SMAP1: variants seen among roughly 807,000 people sequenced by gnomAD.
The protein encoded by SMAP1 is small ArfGAP 1.
In SMAP1, 24 loss-of-function variants were observed where a neutral mutation model predicts 58.5. That is an observed-to-expected ratio of 0.41 (90% CI 0.30 to 0.58). SMAP1 has a LOEUF of 0.58. SMAP1 is among the 20% of genes least tolerant of loss of function. SMAP1 has a pLI of 0.29. For synonymous variants in SMAP1, 216 were observed against 196.6 expected, an observed-to-expected ratio of 1.10 and a Z score of -0.82; for missense variants, 563 against 566.3, an observed-to-expected ratio of 0.99 and a Z score of 0.06.
rs145233897 is a variant in SMAP1 at position 70,821,445 on chromosome 6, A to T, written c.577-15496A>T. 1.9e-3 allele frequency among the ~76,000 whole-genome samples: 296 copies of T among 152,268 alleles called. 3 individuals are homozygous for T. The East Asian group carries it at 0.037, about 19-fold the overall frequency. ...CTTATAAATATATGGCATTGTCATG[A>T]AGAAAAATATCCTAGTGAGTATAGA... On this transcript the variant is annotated intron_variant, in intron 6 of 10. Coordinates refer to ENST00000370455, the MANE Select transcript of SMAP1 (RefSeq NM_001044305.3).
rs1769286773 is a variant in SMAP1 at position 70,809,305 on chromosome 6, A to G, written c.576+10568A>G. ...GATGAATAATGATTTAAAAAAAATTAGTTGGGAAAGAAATGAAAACAACCA... is the reference window on the plus strand; with the variant it reads ...GATGAATAATGATTTAAAAAAAATTGGTTGGGAAAGAAATGAAAACAACCA... On this transcript the variant is annotated intron_variant, in intron 6 of 10. Coordinates refer to ENST00000370455, the MANE Select transcript of SMAP1 (RefSeq NM_001044305.3). 3.3e-5 allele frequency among the ~76,000 whole-genome samples: 5 copies of G among 152,328 alleles called. No individual in the cohort carries two copies. The South Asian group carries it at 1.0e-3, about 32-fold the overall frequency.
In SMAP1 at chr6:70,802,605, C is replaced by T. The variant is rs1768911999; in HGVS notation, c.576+3868C>T. Among the ~76,000 whole-genome samples the T allele has an allele frequency of 2.0e-5, 3 of 152,212 alleles. No homozygotes were observed. The South Asian group carries it at 6.2e-4, about 32-fold the overall frequency. ...TTCCGGTTTTCAAAGGAAATGCTTC[C>T]AGTTTTTGCCCATTCAGTATGATAT... On this transcript the variant is annotated intron_variant, in intron 6 of 10. Transcript: ENST00000370455.
chr6:70,696,172 GGCTTATCTTTT>G (rs1368486558), intron 1 of SMAP1, among the ~76,000 whole-genome samples: 2 of 151,294 alleles, frequency 1.3e-5, no homozygotes, highest in African/African-American at 2.4e-5. Context: ...TTCTTCGTCT[GGCTTATCTTTT>G]GCTTATCTTT....
chr6:70,725,385 G>T (rs1228393305), intron 1 of SMAP1, among the ~76,000 whole-genome samples: 13 of 151,920 alleles, frequency 8.6e-5, no homozygotes. Flanking sequence ...CTAAGTGCTG[G>T]GATTACAGGC....
At chr6:70,743,127 T>C (rs993567302) in intron 2 of SMAP1, among the ~76,000 whole-genome samples, 2 of 152,226 alleles carry the variant, frequency 1.3e-5, no homozygotes, top group Admixed American at 1.3e-4. Flanking sequence ...CCAGTTTATA[T>C]ATCTCTTGAA....
chr6:70,755,152 A>C (rs1350439710), intron 3 of SMAP1, 87 bp downstream of exon 3: 1 of 1,071,914 alleles, frequency 9.3e-7, no homozygotes, highest in Non-Finnish European at 1.4e-6. Context: ...ATTTAGGAAG[A>C]TGTGAACTTT....
chr6:70,771,222 C>G (rs1478158025), intron 3 of SMAP1, among the ~76,000 whole-genome samples: 1 of 152,244 alleles, frequency 6.6e-6, no homozygotes, highest in Admixed American at 6.5e-5. Context: ...CTTGAGGAGG[C>G]AGTCTGCCCA....
At chr6:70,740,994 C>T (rs190271377) in intron 2 of SMAP1, among the ~76,000 whole-genome samples, 112 of 152,264 alleles carry the variant, frequency 7.4e-4, no homozygotes, top group Middle Eastern at 3.4e-3. Context: ...AAGGGGAAAA[C>T]CGCCCCCATG....
chr6:70,773,531 A>G (rs1656735474), intron 4 of SMAP1, 106 bp downstream of exon 4: 2 of 624,254 alleles, frequency 3.2e-6, no homozygotes, highest in Admixed American at 3.9e-5. Flanking sequence ...CTAGTTGTAT[A>G]TATTTACATT....
rs1768812395 is a variant in SMAP1 at position 70,726,877 on chromosome 6, GTGTGTGTGT to G, written c.119-5500_119-5492del. On this transcript the variant is annotated intron_variant, in intron 1 of 10. Coordinates refer to ENST00000370455, the MANE Select transcript of SMAP1 (RefSeq NM_001044305.3). Reference sequence around the variant, plus strand: ...GTAATATTATACAAATTTTAGGGGTGTGTGTGTGTGTGTGTGTGTGTGTGTGTGTGTGTG... The same window carrying G: ...GTAATATTATACAAATTTTAGGGGTGGTGTGTGTGTGTGTGTGTGTGTGTG... 4.7e-4 allele frequency among the ~76,000 whole-genome samples: 8 copies of G among 17,028 alleles called. No individual in the cohort carries two copies. The South Asian group carries it at 0.012, about 25-fold the overall frequency. The allele number at this position is 17,028 out of a possible 152,430, so 11.2% of individuals were successfully genotyped here.
chr6:70,823,847 A>G (rs1216862619), intron 6 of SMAP1, among the ~76,000 whole-genome samples: 1 of 142,274 alleles, frequency 7.0e-6, no homozygotes, highest in Non-Finnish European at 1.5e-5. Context: ...AACCGTAGTT[A>G]TTTTTCAGTT....
At chr6:70,682,858 C>T (rs1365617064) in intron 1 of SMAP1, among the ~76,000 whole-genome samples, 2 of 151,966 alleles carry the variant, frequency 1.3e-5, no homozygotes, top group Non-Finnish European at 2.9e-5. Flanking sequence ...GCCAACGTGG[C>T]GAAACCCTGT....
intron 6 of SMAP1, among the ~76,000 whole-genome samples, chr6:70,829,972 G>T (rs1026858746): frequency 1.3e-5 from 2 of 152,130 alleles, no homozygotes; most frequent in African/African-American, 4.8e-5. Flanking sequence ...ATTCTGTGGG[G>T]TAGCGTTAAT....
chr6:70,668,645 C>T, intron 1 of SMAP1: 2 of 1,535,790 alleles, frequency 1.3e-6, no homozygotes, highest in Non-Finnish European at 1.7e-6. Context: ...CCCTACCTGC[C>T]TGCCCACCTG....
At chr6:70,784,385 C>T (rs1369949891) in intron 4 of SMAP1, among the ~76,000 whole-genome samples, 2 of 152,182 alleles carry the variant, frequency 1.3e-5, no homozygotes, top group Non-Finnish European at 2.9e-5. Flanking sequence ...TAGGAAGAAA[C>T]TGCATCAACT....
chr6:70,738,344 A>C (rs765730108), intron 2 of SMAP1, among the ~76,000 whole-genome samples: 1 of 152,148 alleles, frequency 6.6e-6, no homozygotes, highest in Admixed American at 6.5e-5. Flanking sequence ...GCACTCTCAC[A>C]TAAGTCAAAA....
intron 5 of SMAP1, among the ~76,000 whole-genome samples, chr6:70,793,644 TAGAG>T (rs70990334): frequency 0.017 from 2,321 of 140,358 alleles, 58 homozygotes; most frequent in East Asian, 0.046. Flanking sequence ...GGAGAGTAGT[TAGAG>T]AGAGAGAGAG....
At position 70,860,693 on chromosome 6, in the gene SMAP1, AC is replaced by A. The variant is rs1450609291; in HGVS notation, c.*363del. The A allele has an allele frequency of 1.7e-5, 7 of 403,248 alleles. No homozygotes were observed. Among genetic ancestry groups the A allele is most frequent in the Non-Finnish European group, 2.6e-5 (6 of 228,506 alleles). 25.0% of individuals were successfully genotyped at this position (403,248 alleles called of 1,614,324 possible). A position where few individuals can be genotyped will look rare whatever the true frequency, so the allele number is the denominator to read the frequency against. ...GTTAGTAATACCTCTAATAGTATAA[AC>A]CCCACCCCAAAATTAGCCAGTAATC... is the stretch of plus-strand genomic sequence containing the variant. On this transcript the variant is annotated 3_prime_UTR_variant, in exon 11 of 11. Coordinates refer to ENST00000370455, the MANE Select transcript of SMAP1 (RefSeq NM_001044305.3).
chr6:70,765,087 C>T lies in SMAP1; in HGVS notation c.339-8263C>T, dbSNP rs945084568. ...AAGTGCTGGGATTACAGGCAAGAGC[C>T]ATTTTGCCCAGCCAGAAAACTTGTC... On this transcript the variant is annotated intron_variant, in intron 3 of 10. Transcript: ENST00000370455. Among the ~76,000 whole-genome samples the T allele has an allele frequency of 2.6e-5, 4 of 152,340 alleles. No individual in the cohort carries two copies. The South Asian group carries it at 6.2e-4, about 24-fold the overall frequency.
Sources: allele counts gnomAD v4.1 joint callset (sites outside exome capture counted in the v4.1 genomes callset), GRCh38; gene constraint gnomAD v4.1.1; transcripts MANE v1.5; gene names NCBI Gene and HGNC (gene_info 2026-07-23, HGNC 2026-07-21).